ARHGAP10: variants seen among roughly 807,000 people sequenced by gnomAD.
ARHGAP10 encodes the protein rho GTPase-activating protein 10.
In ARHGAP10, 87 loss-of-function variants were observed where a neutral mutation model predicts 108.6. That is an observed-to-expected ratio of 0.80 (90% CI 0.67 to 0.96). The LOEUF (loss-of-function observed/expected upper bound fraction) is 0.96. ARHGAP10 is among the 40% of genes least tolerant of loss of function. The pLI, the probability that ARHGAP10 is intolerant of heterozygous loss-of-function variation, is 0.00. For missense variants in ARHGAP10, 939 were observed against 954.5 expected (o/e 0.98, Z 0.21); for synonymous variants, 347 against 341.1 (o/e 1.02, Z -0.19).
chr4:147,772,062 T>A (rs1385695972), intron 1 of ARHGAP10, among the ~76,000 whole-genome samples: 3 of 152,210 alleles, frequency 2.0e-5, no homozygotes, highest in Non-Finnish European at 4.4e-5. Context: ...AGTGCTGGGA[T>A]TACAGGCGTG....
chr4:148,014,612 A>T (rs1338051594), intron 18 of ARHGAP10, among the ~76,000 whole-genome samples: 1 of 152,244 alleles, frequency 6.6e-6, no homozygotes, highest in Admixed American at 6.5e-5. Context: ...CACTGGAAGA[A>T]GCAGGGCACT....
chr4:147,911,151 A>G (rs1036688704), intron 12 of ARHGAP10, among the ~76,000 whole-genome samples: 2 of 152,010 alleles, frequency 1.3e-5, no homozygotes, highest in Non-Finnish European at 2.9e-5. Flanking sequence ...AGAAATAAAT[A>G]CTTCCATTTT....
At chr4:147,979,282 T>G (rs1020725525) in intron 18 of ARHGAP10, among the ~76,000 whole-genome samples, 1 of 152,208 alleles carries the variant, frequency 6.6e-6, no homozygotes, top group African/African-American at 2.4e-5. Context: ...GTTAGCCAGT[T>G]TTCTCAGCAC....
intron 1 of ARHGAP10, among the ~76,000 whole-genome samples, chr4:147,794,858 T>C (rs907669385): frequency 6.6e-6 from 1 of 152,218 alleles, no homozygotes; most frequent in African/African-American, 2.4e-5. Context: ...CATGTAAGTA[T>C]AGGACAGTGT....
At chr4:147,802,890 C>T (rs1731638319) in intron 1 of ARHGAP10, among the ~76,000 whole-genome samples, 1 of 152,188 alleles carries the variant, frequency 6.6e-6, no homozygotes, top group African/African-American at 2.4e-5. Flanking sequence ...AAACATGGTG[C>T]CCCCAAAGTT....
chr4:147,807,007 A>G (rs933279004), intron 1 of ARHGAP10, among the ~76,000 whole-genome samples: 1 of 152,232 alleles, frequency 6.6e-6, no homozygotes, highest in Non-Finnish European at 1.5e-5. Context: ...CGCCTAATTC[A>G]TATGTCAAAT....
chr4:148,061,189 A>T (rs1273860021), intron 20 of ARHGAP10, among the ~76,000 whole-genome samples: 2 of 151,932 alleles, frequency 1.3e-5, no homozygotes, highest in Admixed American at 1.3e-4. Flanking sequence ...AAGTGTAGTC[A>T]CATAGTTACT....
intron 9 of ARHGAP10, 88 bp downstream of exon 9, chr4:147,879,426 T>C (rs768851617): frequency 3.3e-5 from 36 of 1,106,172 alleles, no homozygotes; most frequent in Non-Finnish European, 4.3e-5. Context: ...ATTTTAATGG[T>C]TTATATTCAT....
intron 10 of ARHGAP10, among the ~76,000 whole-genome samples, chr4:147,886,709 A>G (rs1323077984): frequency 1.3e-5 from 2 of 152,164 alleles, no homozygotes; most frequent in East Asian, 1.9e-4. Flanking sequence ...CTTCAAATAC[A>G]TGACCACTGT....
At chr4:147,935,563 C>T (rs1737893412) in intron 13 of ARHGAP10, among the ~76,000 whole-genome samples, 1 of 152,002 alleles carries the variant, frequency 6.6e-6, no homozygotes, top group Admixed American at 6.6e-5. Flanking sequence ...AATAGTGATC[C>T]CTTTGGTTGA....
intron 1 of ARHGAP10, among the ~76,000 whole-genome samples, chr4:147,766,623 C>CAT (rs991851586): frequency 5.2e-5 from 7 of 134,784 alleles, no homozygotes; most frequent in Admixed American, 1.5e-4. Flanking sequence ...TATGTATACA[C>CAT]ATATATATAC....
At chr4:147,845,762 G>A (rs916570898) in intron 3 of ARHGAP10, among the ~76,000 whole-genome samples, 3 of 152,200 alleles carry the variant, frequency 2.0e-5, no homozygotes, top group Non-Finnish European at 4.4e-5. Flanking sequence ...GCTCATGTAA[G>A]TGTGCCTTAA....
At chr4:147,907,000 C>G (rs1736524361) in intron 11 of ARHGAP10, among the ~76,000 whole-genome samples, 1 of 152,052 alleles carries the variant, frequency 6.6e-6, no homozygotes, top group Non-Finnish European at 1.5e-5. Flanking sequence ...TTCATCTTTC[C>G]TACTTGACAG....
chr4:148,063,062 C>T (rs1050037807), intron 20 of ARHGAP10, 86 bp from the exon 21 acceptor site: 1 of 1,494,630 alleles, frequency 6.7e-7, no homozygotes, highest in African/African-American at 1.4e-5. Flanking sequence ...AATTAGTGAC[C>T]TAGTCATCTG....
chr4:148,040,665 C>T (rs1728592675), intron 19 of ARHGAP10, among the ~76,000 whole-genome samples: 1 of 152,100 alleles, frequency 6.6e-6, no homozygotes, highest in Non-Finnish European at 1.5e-5. Context: ...GTTTAAATGT[C>T]TAGGTGGTTC....
intron 13 of ARHGAP10, among the ~76,000 whole-genome samples, chr4:147,920,729 A>C (rs987612213): frequency 6.6e-6 from 1 of 152,244 alleles, no homozygotes; most frequent in East Asian, 1.9e-4. Flanking sequence ...GCAAATTTGC[A>C]CCGATTAAGA....
chr4:147,888,041 A>G (rs1383713190), intron 10 of ARHGAP10, among the ~76,000 whole-genome samples: 5 of 151,764 alleles, frequency 3.3e-5, no homozygotes, highest in African/African-American at 1.2e-4. Context: ...CATCCCTGAC[A>G]TTGCCCATCA....
Position 148,064,420 on chromosome 4 carries a change from C to T in ARHGAP10, c.2185C>T (p.Arg729Cys), listed in dbSNP as rs755933496. 1.2e-5 allele frequency: 20 copies of T among 1,612,916 alleles called. No homozygotes were observed. The highest frequency in any genetic ancestry group is 3.3e-5 in the Admixed American group (2 of 59,736). ...TVADKPPESI[R>C]SRKARAVYPC... ...TTGTATTCTCTTTCTTTTCAGCATC[C>T]GCAGTCGGAAGGCTCGAGCCGTGTA... is the stretch of plus-strand genomic sequence containing the variant. Residue 729 changes from arginine to cysteine, a missense_variant, in exon 22 of 23, where the codon CGC becomes TGC. Arg to Cys is a radical substitution (Grantham distance 180). Transcript: ENST00000336498.
intron 13 of ARHGAP10, chr4:147,916,397 G>A (rs1736984609): frequency 6.6e-6 from 1 of 152,142 alleles, no homozygotes; most frequent in African/African-American, 2.4e-5. Flanking sequence ...TATCTATTCA[G>A]TATGTGTATG....
Sources: gnomAD v4.1 joint callset for allele counts (sites outside exome capture counted in the v4.1 genomes callset) on GRCh38, gnomAD v4.1.1 for gene constraint, MANE v1.5 for transcripts, NCBI Gene and HGNC (gene_info 2026-07-23, HGNC 2026-07-21) for gene names.